The following ARHGEF10L variants were observed in gnomAD, a reference collection of about 807,000 sequenced individuals.
The protein encoded by ARHGEF10L is Rho guanine nucleotide exchange factor 10 like.
ARHGEF10L carries 69 observed loss-of-function variants against 141.2 expected under a neutral mutation model. The ratio of observed to expected loss-of-function variants is 0.49; its 90% confidence interval spans 0.40 to 0.60. The LOEUF is 0.60. ARHGEF10L is among the 20% of genes least tolerant of loss of function. The pLI is 0.00. For synonymous variants in ARHGEF10L, 711 were observed against 718.5 expected, an observed-to-expected ratio of 0.99 and a Z score of 0.17; for missense variants, 1,482 against 1,734.3, an observed-to-expected ratio of 0.85 and a Z score of 2.58.
At chr1:17,595,723 C>T (rs143438821) in intron 4 of ARHGEF10L, among the ~76,000 whole-genome samples, 5 of 151,986 alleles carry the variant, frequency 3.3e-5, no homozygotes, top group South Asian at 2.1e-4. Flanking sequence ...GGAGGAGAGG[C>T]GGAGGGAAGG....
At chr1:17,538,019 T>C (rs2245148), upstream of ARHGEF10L, among the ~76,000 whole-genome samples, 88,107 of 151,624 alleles carry the variant, frequency 0.58, 26,105 homozygotes, top group East Asian at 0.87. Context: ...GAGGTTACGG[T>C]GAGCTGATTG....
Position 17,696,917 on chromosome 1 carries a change from T to C in ARHGEF10L, c.3377T>C (p.Leu1126Pro), listed in dbSNP as rs1227380557. The C allele has an allele frequency of 6.2e-7, 1 of 1,609,810 alleles. No homozygotes were observed. Among genetic ancestry groups the C allele is most frequent in the East Asian group, 2.2e-5 (1 of 44,770 alleles). ...VAFLAVATSILAPDILRSDQE... is the reference protein window; with the variant it reads ...VAFLAVATSIPAPDILRSDQE... ...TTCCTGGCTGTGGCTACCAGCATCC[T>C]GGCCCCTGACATCCTGCGGAGTGAC... The change falls in exon 29 of 29, where the codon CTG (leucine) becomes CCG (proline). Residue 1126 changes from leucine to proline, a missense_variant. This residue lies in a region of ARHGEF10L where 858 missense variants were observed against 966.3 expected (regional missense o/e 0.89). Coordinates refer to ENST00000361221, the MANE Select transcript of ARHGEF10L (RefSeq NM_018125.4).
At position 17,580,786 on chromosome 1, in the gene ARHGEF10L, C is replaced by T. The variant is rs371978055; in HGVS notation, c.37+154C>T. On this transcript the variant is annotated intron_variant, in intron 2 of 28. Transcript: ENST00000361221. ...TGCCTGGGCCGCATCCTCTATCTCA[C>T]GTTCCTTGTCTACAAAATAGAAGTA... is the stretch of plus-strand genomic sequence containing the variant. 5.3e-5 allele frequency among the ~76,000 whole-genome samples: 8 copies of T among 152,326 alleles called. No individual in the cohort carries two copies. The South Asian group carries it at 8.3e-4, about 16-fold the overall frequency.
At chr1:17,684,294 C>T (rs1394952957) in intron 26 of ARHGEF10L, among the ~76,000 whole-genome samples, 1 of 152,198 alleles carries the variant, frequency 6.6e-6, no homozygotes, top group East Asian at 1.9e-4. Context: ...CTGCATGTTT[C>T]CTTGAAGGAA....
In ARHGEF10L at chr1:17,554,821, G is replaced by A. The variant is rs749948433; in HGVS notation, c.-44+14871G>A. Among the ~76,000 whole-genome samples, 7 of 152,132 alleles carry A rather than the reference G, an allele frequency of 4.6e-5. No homozygotes were observed. The East Asian group carries it at 9.7e-4, about 21-fold the overall frequency. ...GCCCAGGCTGGTCTCAAACTCCTGC[G>A]TTCAAGCGGTCTTTCTGCCTTGGCC... On this transcript the variant is annotated intron_variant, in intron 1 of 28. Transcript: ENST00000361221.
the ARHGEF10L span, among the ~76,000 whole-genome samples, chr1:17,526,629 C>T: frequency 6.6e-6 from 1 of 152,140 alleles, no homozygotes; most frequent in African/African-American, 2.4e-5. Context: ...GCTGGCCGGG[C>T]ACAGTCACTC....
At chr1:17,584,134 T>A (rs1040846894) in intron 2 of ARHGEF10L, among the ~76,000 whole-genome samples, 3 of 152,180 alleles carry the variant, frequency 2.0e-5, no homozygotes, top group African/African-American at 7.2e-5. Flanking sequence ...AGCCTTGAAC[T>A]CCTGGGTTCA....
intron 1 of ARHGEF10L, among the ~76,000 whole-genome samples, chr1:17,574,008 C>T (rs1324274758): frequency 6.6e-6 from 1 of 152,180 alleles, no homozygotes; most frequent in Admixed American, 6.5e-5. Flanking sequence ...CTCGGGAAGC[C>T]CTTTGAGTGT....
At chr1:17,589,086 G>T (rs1315657470) in intron 4 of ARHGEF10L, among the ~76,000 whole-genome samples, 1 of 152,120 alleles carries the variant, frequency 6.6e-6, no homozygotes, top group African/African-American at 2.4e-5. Context: ...CTGGATGTTG[G>T]GGTGAGGGCC....
chr1:17,616,021 G>A, intron 8 of ARHGEF10L, 73 bp from the exon 9 acceptor site: 1 of 1,290,328 alleles, frequency 7.7e-7, no homozygotes, highest in Non-Finnish European at 1.1e-6. Context: ...CGAGGCCTGG[G>A]GAGGCGGGTG....
At chr1:17,559,498 A>G (rs1260915950) in intron 1 of ARHGEF10L, among the ~76,000 whole-genome samples, 7 of 151,608 alleles carry the variant, frequency 4.6e-5, no homozygotes, top group Non-Finnish European at 8.8e-5. Flanking sequence ...GGGGACCGAC[A>G]CCCCCCAGGG....
intron 4 of ARHGEF10L, 136 bp from the exon 5 acceptor site, chr1:17,601,991 T>G: frequency 4.1e-6 from 3 of 724,574 alleles, no homozygotes; most frequent in Non-Finnish European, 4.4e-6. Context: ...TGAGGCCAAC[T>G]CCACCTCAGG....
At chr1:17,686,528 G>A (rs530398388) in intron 26 of ARHGEF10L, among the ~76,000 whole-genome samples, 1 of 152,298 alleles carries the variant, frequency 6.6e-6, no homozygotes, top group African/African-American at 2.4e-5. Flanking sequence ...GGCGGGGTGG[G>A]GCCTGCCTCC....
chr1:17,667,479 A>G (rs79776808), intron 26 of ARHGEF10L, among the ~76,000 whole-genome samples: 18 of 152,272 alleles, frequency 1.2e-4, no homozygotes, highest in Non-Finnish European at 2.5e-4. Context: ...GAGAACAGAG[A>G]AAGAATGGGA....
At chr1:17,651,711 A>AT (rs2061948111) in intron 22 of ARHGEF10L, among the ~76,000 whole-genome samples, 1 of 152,160 alleles carries the variant, frequency 6.6e-6, no homozygotes, top group Non-Finnish European at 1.5e-5. Context: ...GGCCAGAAGC[A>AT]TCCTCAGTCC....
In ARHGEF10L at chr1:17,609,523, C is replaced by T. The variant is rs550438158; in HGVS notation, c.609+1546C>T. ...GTGAACCTTTACGGTCCATAGGAGA[C>T]ACTGAATGGGAAACAGTTTGTCAAA... On this transcript the variant is annotated intron_variant, in intron 7 of 28. Transcript: ENST00000361221. Among the ~76,000 whole-genome samples the T allele has an allele frequency of 9.8e-5, 15 of 152,312 alleles. No homozygotes were observed. The South Asian group carries it at 2.9e-3, about 29-fold the overall frequency.
the ARHGEF10L span, among the ~76,000 whole-genome samples, chr1:17,524,364 T>TACACAC: frequency 0.1 from 12,045 of 115,874 alleles, 867 homozygotes; most frequent in East Asian, 0.17. Context: ...ACCCCGTCTC[T>TACACAC]ACACACACAC....
chr1:17,572,656 C>T (rs12049589), intron 1 of ARHGEF10L, among the ~76,000 whole-genome samples: 15,236 of 152,180 alleles, frequency 0.1, 1,095 homozygotes, highest in East Asian at 0.38. Flanking sequence ...GGTATGTACC[C>T]GCTGGCCTCC....
chr1:17,520,716 G>C, the ARHGEF10L span, among the ~76,000 whole-genome samples: 1 of 152,210 alleles, frequency 6.6e-6, no homozygotes, highest in Non-Finnish European at 1.5e-5. Context: ...ACGGCAACCT[G>C]GAGTGAGAAC....
Sources: allele counts gnomAD v4.1 joint callset (sites outside exome capture counted in the v4.1 genomes callset), GRCh38; gene constraint gnomAD v4.1.1; regional missense constraint gnomAD v4.1.1; transcripts MANE v1.5; gene names NCBI Gene and HGNC (gene_info 2026-07-23, HGNC 2026-07-21).